The following ADAM23 variants were observed in gnomAD, a reference collection of about 807,000 sequenced individuals.
The protein encoded by ADAM23 is ADAM metallopeptidase domain 23.
A neutral mutation model predicts 120.1 loss-of-function variants in ADAM23; 33 were observed. The ratio of observed to expected loss-of-function variants is 0.27; its 90% confidence interval spans 0.21 to 0.37. The LOEUF is 0.37. ADAM23 is among the 10% of genes least tolerant of loss of function. ADAM23 has a pLI of 1.00. For missense variants in ADAM23, 862 were observed against 1,058.2 expected (o/e 0.81, Z 2.57); for synonymous variants, 367 against 375.2 (o/e 0.98, Z 0.25).
At chr2:206,532,087 C>G (rs1697076417) in intron 4 of ADAM23, among the ~76,000 whole-genome samples, 1 of 152,100 alleles carries the variant, frequency 6.6e-6, no homozygotes, top group South Asian at 2.1e-4. Flanking sequence ...TTGAGTCTCC[C>G]TAAAAGTTAG....
In ADAM23 at chr2:206,570,790, G is replaced by A. The variant is rs1452547414; in HGVS notation, c.1545G>A (p.Glu515=). The A allele has an allele frequency of 3.7e-6, 6 of 1,613,800 alleles. No homozygotes were observed. Among genetic ancestry groups the A allele is most frequent in the South Asian group, 3.3e-5 (3 of 91,080 alleles). Residue 515 remains glutamate, a synonymous_variant, in exon 16 of 26, where the codon GAG becomes GAA. Coordinates refer to ENST00000264377, the MANE Select transcript of ADAM23 (RefSeq NM_003812.4). ...ATGGATACGTGGAAGCTGGGGAGGA[G>A]TGTGATTGTGGTTTTCATGTGGTAG... ...CGNGYVEAGE[E]CDCGFHVECY...
chr2:206,528,092 A>C (rs369179047), intron 3 of ADAM23, among the ~76,000 whole-genome samples: 1 of 152,174 alleles, frequency 6.6e-6, no homozygotes, highest in South Asian at 2.1e-4. Flanking sequence ...GTTGTTTCCA[A>C]CTCTTAGATG....
Position 206,443,971 on chromosome 2 carries a change from C to A in ADAM23, c.105C>A (p.Ala35=). 1 of 1,347,842 alleles carries A rather than the reference C, an allele frequency of 7.4e-7. No individual in the cohort carries two copies. The highest frequency in any genetic ancestry group is 9.5e-7 in the Non-Finnish European group (1 of 1,047,520). 83.5% of individuals were successfully genotyped at this position (1,347,842 alleles called of 1,614,324 possible). ...PQRGPAGSVP[A]SAPARTPPCR... is the part of the protein sequence containing the mutation. Reference sequence around the variant, plus strand: ...GCGGCCCCGCCGGCTCGGTGCCTGCCAGCGCCCCGGCCCGCACGCCGCCCT... The same window carrying A: ...GCGGCCCCGCCGGCTCGGTGCCTGCAAGCGCCCCGGCCCGCACGCCGCCCT... The change falls in exon 1 of 26, where the codon GCC becomes GCA. Residue 35 remains alanine (A), a synonymous_variant. Transcript: ENST00000264377.
At chr2:206,608,007 A>G (rs1396422954) in intron 24 of ADAM23, 2 of 448,436 alleles carry the variant, frequency 4.5e-6, no homozygotes, top group East Asian at 1.4e-4. Flanking sequence ...AGCATAGAGT[A>G]TGTACATGGT....
At chr2:206,481,766 C>G (rs1408448600) in intron 3 of ADAM23, among the ~76,000 whole-genome samples, 2 of 152,110 alleles carry the variant, frequency 1.3e-5, no homozygotes, top group Non-Finnish European at 2.9e-5. Context: ...TTATAATTTG[C>G]TCTAATATGG....
rs1343040751 is a variant in ADAM23 at position 206,618,754 on chromosome 2, AT to A, written c.*1129del. 1 of 152,226 alleles carries A rather than the reference AT, an allele frequency of 6.6e-6. No individual in the cohort carries two copies. The highest frequency in any genetic ancestry group is 1.5e-5 in the Non-Finnish European group (1 of 68,044). 9.4% of individuals were successfully genotyped at this position (152,226 alleles called of 1,614,324 possible). A position where few individuals can be genotyped will look rare whatever the true frequency, so the allele number is the denominator to read the frequency against. On this transcript the variant is annotated 3_prime_UTR_variant, in exon 26 of 26. Transcript: ENST00000264377. ...AAATAACCCATATCAAAGACACAAA[AT>A]TATGTAAATGGAAATATATGTACTA...
At chr2:206,587,265 G>C in intron 18 of ADAM23, 60 bp from the exon 19 acceptor site, 1 of 1,289,062 alleles carries the variant, frequency 7.8e-7, no homozygotes, top group Non-Finnish European at 1.1e-6. Flanking sequence ...TATATAGTAT[G>C]TACATTATCT....
chr2:206,509,778 A>G (rs1249104699), intron 3 of ADAM23, among the ~76,000 whole-genome samples: 2 of 152,088 alleles, frequency 1.3e-5, no homozygotes, highest in African/African-American at 2.4e-5. Flanking sequence ...TATTTTTGAC[A>G]TTGTAATGAA....
At chr2:206,598,807 C>T (rs900154449) in intron 24 of ADAM23, among the ~76,000 whole-genome samples, 1 of 150,644 alleles carries the variant, frequency 6.6e-6, no homozygotes, top group Non-Finnish European at 1.5e-5. Flanking sequence ...GGCTGAGGCA[C>T]GAGAATTGCT....
intron 3 of ADAM23, among the ~76,000 whole-genome samples, chr2:206,521,190 A>G (rs1264152259): frequency 6.6e-6 from 1 of 152,090 alleles, no homozygotes; most frequent in East Asian, 1.9e-4. Context: ...TATTTTAGCA[A>G]TGAGATTATA....
At chr2:206,615,089 T>G (rs1359209676) in intron 25 of ADAM23, among the ~76,000 whole-genome samples, 2 of 152,188 alleles carry the variant, frequency 1.3e-5, no homozygotes, top group Non-Finnish European at 2.9e-5. Context: ...TGGATAAATA[T>G]ATGCCCTTGA....
At chr2:206,444,433 A>AG (rs1340413525) in intron 1 of ADAM23, among the ~76,000 whole-genome samples, 2 of 152,176 alleles carry the variant, frequency 1.3e-5, no homozygotes, top group Admixed American at 1.3e-4. Context: ...TGGAACCTTA[A>AG]TGTGAATGCG....
chr2:206,510,515 A>G (rs1574505442), intron 3 of ADAM23, among the ~76,000 whole-genome samples: 1 of 152,230 alleles, frequency 6.6e-6, no homozygotes, highest in Non-Finnish European at 1.5e-5. Context: ...ATAAATACCA[A>G]TTCTTTACTT....
chr2:206,548,434 T>G, intron 8 of ADAM23, 80 bp downstream of exon 8: 15 of 1,347,066 alleles, frequency 1.1e-5, no homozygotes, highest in Non-Finnish European at 1.5e-5. Context: ...TATCTAAGTG[T>G]ACCTAAAACA....
chr2:206,475,216 G>A (rs991211690), intron 2 of ADAM23, among the ~76,000 whole-genome samples: 3 of 152,108 alleles, frequency 2.0e-5, no homozygotes, highest in Admixed American at 6.6e-5. Context: ...GAAATGTGAG[G>A]CATTATTATT....
At chr2:206,510,300 CA>C (rs1409592174) in intron 3 of ADAM23, among the ~76,000 whole-genome samples, 1 of 152,050 alleles carries the variant, frequency 6.6e-6, no homozygotes, top group African/African-American at 2.4e-5. Flanking sequence ...TTCTTTATAA[CA>C]AAACATATTA....
chr2:206,586,425 C>T (rs1698323514), intron 18 of ADAM23, among the ~76,000 whole-genome samples: 1 of 151,948 alleles, frequency 6.6e-6, no homozygotes, highest in Admixed American at 6.6e-5. Context: ...GAAGATAGAA[C>T]TAGCAGGATT....
At chr2:206,538,095 A>G (rs1697217430) in intron 4 of ADAM23, among the ~76,000 whole-genome samples, 1 of 152,166 alleles carries the variant, frequency 6.6e-6, no homozygotes. Flanking sequence ...GAATAGTATA[A>G]TTTATGTGAA....
At chr2:206,563,561 C>T (rs1490278686) in intron 13 of ADAM23, among the ~76,000 whole-genome samples, 1 of 152,012 alleles carries the variant, frequency 6.6e-6, no homozygotes, top group African/African-American at 2.4e-5. Flanking sequence ...CACCTTAAAA[C>T]CAGAAAGGTG....
Sources: gnomAD v4.1 joint callset for allele counts (sites outside exome capture counted in the v4.1 genomes callset) on GRCh38, gnomAD v4.1.1 for gene constraint, MANE v1.5 for transcripts, NCBI Gene and HGNC (gene_info 2026-07-23, HGNC 2026-07-21) for gene names.